MARCHF1: variants seen among roughly 807,000 people sequenced by gnomAD.
The protein encoded by MARCHF1 is membrane associated ring-CH-type finger 1.
In MARCHF1, 40 loss-of-function variants were observed where a neutral mutation model predicts 54.2. The ratio of observed to expected loss-of-function variants is 0.74; its 90% CI spans 0.57 to 0.96. The LOEUF (loss-of-function observed/expected upper bound fraction) is 0.96. Among genes scored for constraint, MARCHF1 ranks in the 40% least tolerant of loss-of-function variants. The pLI, the probability that MARCHF1 is intolerant of heterozygous loss-of-function variation, is 0.00. For missense variants in MARCHF1, 586 were observed against 656.5 expected, an observed-to-expected ratio of 0.89 and a Z score of 1.17; for synonymous variants, 236 against 236.3, an observed-to-expected ratio of 1.00 and a Z score of 0.01.
rs35746902 is a variant in MARCHF1, at chr4:163,556,552, ATTT to A, written c.1192-10812_1192-10810del. ...CATTGTATTTAATGTAATTGAGTTG[ATTT>A]TTTTTTTTACTCTCGAGAGTCTCTT... On this transcript the variant is annotated intron_variant, in intron 8 of 9. Transcript: ENST00000514618. Among the ~76,000 whole-genome samples the A allele has an allele frequency of 8.1e-5, 12 of 148,412 alleles. No individual in the cohort carries two copies. In the South Asian group the frequency reaches 2.1e-3, roughly 26 times the overall value.
At chr4:164,168,458 G>A (rs924445908) in intron 1 of MARCHF1, among the ~76,000 whole-genome samples, 10 of 151,968 alleles carry the variant, frequency 6.6e-5, no homozygotes, top group African/African-American at 2.2e-4. Flanking sequence ...ATTCATTAAA[G>A]CATATTCACA....
chr4:163,675,534 A>G (rs1743883499), intron 5 of MARCHF1, among the ~76,000 whole-genome samples: 1 of 152,238 alleles, frequency 6.6e-6, no homozygotes, highest in South Asian at 2.1e-4. Context: ...GTAGCAACTG[A>G]AAATTAAGTT....
intron 1 of MARCHF1, among the ~76,000 whole-genome samples, chr4:164,378,136 T>C (rs1340788668): frequency 6.6e-6 from 1 of 152,198 alleles, no homozygotes; most frequent in Admixed American, 6.5e-5. Flanking sequence ...AAGGAGGTAA[T>C]GTGACTTTTC....
At chr4:163,839,165 A>C (rs1749269543) in intron 4 of MARCHF1, among the ~76,000 whole-genome samples, 1 of 152,114 alleles carries the variant, frequency 6.6e-6, no homozygotes, top group African/African-American at 2.4e-5. Flanking sequence ...AAATCTTGAT[A>C]AAACATCACT....
chr4:163,645,056 A>G (rs1192537884), intron 5 of MARCHF1, among the ~76,000 whole-genome samples: 1 of 152,182 alleles, frequency 6.6e-6, no homozygotes, highest in Non-Finnish European at 1.5e-5. Flanking sequence ...CCACCCAGTG[A>G]CATAGCAGAA....
intron 1 of MARCHF1, among the ~76,000 whole-genome samples, chr4:164,144,217 T>C (rs1729600674): frequency 6.6e-6 from 1 of 150,636 alleles, no homozygotes; most frequent in Non-Finnish European, 1.5e-5. Flanking sequence ...CACACATTAA[T>C]AATGGGAGAC....
intron 1 of MARCHF1, among the ~76,000 whole-genome samples, chr4:164,311,252 T>C (rs1734843892): frequency 6.6e-6 from 1 of 152,134 alleles, no homozygotes; most frequent in African/African-American, 2.4e-5. Context: ...TTTTCTTAAA[T>C]AACTCTCAGT....
chr4:164,327,853 C>G (rs1401074796), intron 1 of MARCHF1, among the ~76,000 whole-genome samples: 2 of 152,168 alleles, frequency 1.3e-5, no homozygotes, highest in African/African-American at 4.8e-5. Flanking sequence ...GCTGGTGCAG[C>G]TATTCTTTAA....
chr4:163,608,771 G>A (rs1309252773), intron 7 of MARCHF1, among the ~76,000 whole-genome samples: 1 of 151,974 alleles, frequency 6.6e-6, no homozygotes, highest in Admixed American at 6.6e-5. Context: ...AGGCTTAGGA[G>A]CTTCTTTCTT....
chr4:163,865,628 G>T (rs1257312192), intron 3 of MARCHF1, among the ~76,000 whole-genome samples: 11 of 151,722 alleles, frequency 7.3e-5, no homozygotes, highest in Non-Finnish European at 1.6e-4. Flanking sequence ...AAGTGTGTAT[G>T]AAAGACCTAT....
rs141110619 is a variant in MARCHF1, at chr4:164,293,598, T to C, written c.-323+90272A>G. 5.8e-3 allele frequency among the ~76,000 whole-genome samples: 884 copies of C among 152,368 alleles called. 8 individuals carry two copies. The highest frequency in any genetic ancestry group is 8.2e-3 in the Admixed American group (126 of 15,306). On this transcript the variant is annotated intron_variant, in intron 1 of 9. Coordinates refer to ENST00000514618, the MANE Select transcript of MARCHF1 (RefSeq NM_001394959.1). ...TAATACAATGATATTTTAGTGTTCA[T>C]TGACTGAGAAAGTCTGTACTAACAA...
chr4:164,185,166 G>A (rs1459291047), intron 1 of MARCHF1, among the ~76,000 whole-genome samples: 1 of 152,038 alleles, frequency 6.6e-6, no homozygotes, highest in Admixed American at 6.6e-5. Flanking sequence ...GTTGGGAATG[G>A]GCAAAAATAT....
At chr4:164,203,676 G>A (rs1273363580) in intron 1 of MARCHF1, among the ~76,000 whole-genome samples, 1 of 152,130 alleles carries the variant, frequency 6.6e-6, no homozygotes, top group Non-Finnish European at 1.5e-5. Flanking sequence ...GACCAAATAT[G>A]GGCACAATGC....
At chr4:164,041,357 C>T (rs1175338340) in intron 2 of MARCHF1, among the ~76,000 whole-genome samples, 1 of 152,096 alleles carries the variant, frequency 6.6e-6, no homozygotes, top group Non-Finnish European at 1.5e-5. Context: ...TTTATTATAG[C>T]ATTAGCATTT....
intron 3 of MARCHF1, among the ~76,000 whole-genome samples, chr4:163,906,329 T>A (rs2111322113): frequency 6.6e-6 from 1 of 152,132 alleles, no homozygotes. Context: ...ATGGGAAATG[T>A]CCAGGCTCAT....
chr4:164,040,167 T>C (rs1356292519), intron 2 of MARCHF1, among the ~76,000 whole-genome samples: 2 of 144,780 alleles, frequency 1.4e-5, no homozygotes, highest in African/African-American at 5.0e-5. Flanking sequence ...AATATATAAC[T>C]ATATATAAAT....
At chr4:163,738,040 G>A (rs1333883788) in intron 4 of MARCHF1, among the ~76,000 whole-genome samples, 1 of 152,180 alleles carries the variant, frequency 6.6e-6, no homozygotes, top group Non-Finnish European at 1.5e-5. Flanking sequence ...TCTGGATGTT[G>A]GATGCGTTGA....
intron 1 of MARCHF1, among the ~76,000 whole-genome samples, chr4:164,281,198 T>C (rs1005673323): frequency 6.6e-6 from 1 of 152,144 alleles, no homozygotes; most frequent in African/African-American, 2.4e-5. Context: ...TCAAGCAAAA[T>C]TCAAGCAAAA....
At chr4:163,544,814 C>T (rs1331698974) in intron 9 of MARCHF1, among the ~76,000 whole-genome samples, 3 of 152,076 alleles carry the variant, frequency 2.0e-5, no homozygotes, top group Non-Finnish European at 4.4e-5. Flanking sequence ...TGAACAATGT[C>T]TTTTCTAGAG....
Sources: allele counts gnomAD v4.1 joint callset (sites outside exome capture counted in the v4.1 genomes callset), GRCh38; gene constraint gnomAD v4.1.1; transcripts MANE v1.5; gene names NCBI Gene and HGNC (gene_info 2026-07-23, HGNC 2026-07-21).